Variants in MITF observed in about 807,000 individuals in gnomAD.
MITF encodes the protein melanocyte inducing transcription factor, also known as microphthalmia-associated transcription factor.
Under a neutral mutation model 60.5 loss-of-function variants are expected in MITF, and 17 were observed. The ratio of observed to expected loss-of-function variants is 0.28; its 90% CI spans 0.19 to 0.42. MITF has a LOEUF of 0.42. MITF is among the 10% of genes least tolerant of loss of function. The pLI is 1.00. For missense variants in MITF, 622 were observed against 683.5 expected (o/e 0.91, Z 1.00); for synonymous variants, 260 against 248.5 (o/e 1.05, Z -0.43).
intron 1 of MITF, among the ~76,000 whole-genome samples, chr3:69,747,417 C>T (rs984732404): frequency 3.9e-5 from 6 of 152,230 alleles, no homozygotes; most frequent in Non-Finnish European, 8.8e-5. Context: ...CACTACCACT[C>T]ACTGGCTCTG....
chr3:69,962,766 T>C (rs2066582085), intron 9 of MITF, among the ~76,000 whole-genome samples: 1 of 152,044 alleles, frequency 6.6e-6, no homozygotes, highest in Non-Finnish European at 1.5e-5. Context: ...AAGAGCTTGC[T>C]TGGAAGGCAT....
At chr3:69,881,945 A>G (rs910932877) in intron 2 of MITF, among the ~76,000 whole-genome samples, 13 of 152,188 alleles carry the variant, frequency 8.5e-5, no homozygotes, top group African/African-American at 2.9e-4. Context: ...TCACACTTGC[A>G]TGCACTAGAG....
Position 69,939,105 on chromosome 3 carries a change from A to T in MITF, c.590A>T (p.Tyr197Phe). The T allele has an allele frequency of 6.2e-7, 1 of 1,614,008 alleles. No individual in the cohort carries two copies. The highest frequency in any genetic ancestry group is 8.5e-7 in the Non-Finnish European group (1 of 1,179,980). ...TTGCTTGTGTTTTTGCAGGGATTTT[A>T]TAAGTTTGAAGAGCAAAACAGGGCA... is the stretch of plus-strand genomic sequence containing the variant. ...LNSNCEKEGFYKFEEQNRAES... is the reference protein window; with the variant it reads ...LNSNCEKEGFFKFEEQNRAES... Residue 197 changes from tyrosine (Y) to phenylalanine (F), a missense_variant, in exon 4 of 10, where the codon TAT becomes TTT. Coordinates refer to ENST00000352241, the MANE Select transcript of MITF (RefSeq NM_001354604.2).
chr3:69,827,378 A>G (rs962639441), intron 1 of MITF, among the ~76,000 whole-genome samples: 1 of 152,242 alleles, frequency 6.6e-6, no homozygotes, highest in African/African-American at 2.4e-5. Context: ...TCACAGATTG[A>G]CAGTAGCTCT....
chr3:69,853,060 A>G (rs891034303), intron 1 of MITF, among the ~76,000 whole-genome samples: 7 of 152,196 alleles, frequency 4.6e-5, no homozygotes, highest in Non-Finnish European at 8.8e-5. Flanking sequence ...CATTCATTGT[A>G]TAGTGATGAA....
At chr3:69,918,613 T>C (rs1475685858) in intron 2 of MITF, among the ~76,000 whole-genome samples, 1 of 152,202 alleles carries the variant, frequency 6.6e-6, no homozygotes, top group Non-Finnish European at 1.5e-5. Flanking sequence ...GATCTCTGGT[T>C]ATATGAAAGC....
In MITF at chr3:69,870,440, A is replaced by ATATAT. The variant is rs1435617160; in HGVS notation, c.105-8693_105-8692insATATT. Among the ~76,000 whole-genome samples the ATATAT allele has an allele frequency of 5.0e-3, 672 of 135,216 alleles. 2 individuals carry two copies. Among genetic ancestry groups the ATATAT allele is most frequent in the African/African-American group, 0.018 (637 of 36,168 alleles). The allele number at this position is 135,216 out of a possible 152,430, so 88.7% of individuals were successfully genotyped here. A position where few individuals can be genotyped will look rare whatever the true frequency, so the allele number is the denominator to read the frequency against. Reference sequence around the variant, plus strand: ...TATGTGTGTGTATATATATATATATATTTTTTTTTTTTTGAGACGGAATCT... The same window carrying ATATAT: ...TATGTGTGTGTATATATATATATATATATATTTTTTTTTTTTTTGAGACGGAATCT... On this transcript the variant is annotated intron_variant, in intron 1 of 9. Transcript: ENST00000352241.
intron 1 of MITF, among the ~76,000 whole-genome samples, chr3:69,815,975 G>A (rs1049419446): frequency 1.3e-5 from 2 of 152,036 alleles, no homozygotes; most frequent in African/African-American, 4.8e-5. Context: ...GGTCTTTCTG[G>A]GATCTCTACA....
At chr3:69,834,953 T>C (rs571226959) in intron 1 of MITF, among the ~76,000 whole-genome samples, 1 of 151,396 alleles carries the variant, frequency 6.6e-6, no homozygotes, top group African/African-American at 2.4e-5. Context: ...AGTACTTTTT[T>C]CATATCTGTT....
chr3:69,836,901 C>T lies in MITF; in HGVS notation c.105-42233C>T, dbSNP rs187428111. On this transcript the variant is annotated intron_variant, in intron 1 of 9. Coordinates refer to ENST00000352241, the MANE Select transcript of MITF (RefSeq NM_001354604.2). ...GCCAGAGAAACAAACCAGAGGCTGA[C>T]TGGCCAGGACTGATTCCCCCAGCGT... 4.8e-3 allele frequency among the ~76,000 whole-genome samples: 726 copies of T among 152,284 alleles called. 8 individuals carry two copies. The highest frequency in any genetic ancestry group is 8.4e-3 in the Non-Finnish European group (574 of 68,022).
At chr3:69,855,449 A>C (rs1449086785) in intron 1 of MITF, among the ~76,000 whole-genome samples, 2 of 152,138 alleles carry the variant, frequency 1.3e-5, no homozygotes, top group Non-Finnish European at 2.9e-5. Context: ...TAAGCTTAAG[A>C]GTTATAGAAA....
chr3:69,956,085 G>A lies in MITF; in HGVS notation c.956-370G>A, dbSNP rs745313541. On this transcript the variant is annotated intron_variant, in intron 7 of 9. Transcript: ENST00000352241. ...CCTGGCTCTTTGCAGAAAGTTTGCT[G>A]ACTTCTGCTCTAAGGGGTTAGGTTA... Among the ~76,000 whole-genome samples the A allele has an allele frequency of 1.6e-4, 25 of 152,194 alleles. 1 individual carries two copies. The highest frequency in any genetic ancestry group is 2.9e-4 in the Non-Finnish European group (20 of 68,038).
intron 2 of MITF, among the ~76,000 whole-genome samples, chr3:69,899,987 C>T (rs2064961370): frequency 6.6e-6 from 1 of 152,144 alleles, no homozygotes; most frequent in Non-Finnish European, 1.5e-5. Context: ...ACTTATGCAC[C>T]ATTCTGTCCT....
intron 1 of MITF, among the ~76,000 whole-genome samples, chr3:69,820,160 G>A (rs1355134922): frequency 5.9e-5 from 9 of 152,160 alleles, no homozygotes; most frequent in Admixed American, 2.0e-4. Context: ...ATATAGATTC[G>A]TTTTGAATTA....
intron 1 of MITF, among the ~76,000 whole-genome samples, chr3:69,751,086 A>G (rs527888716): frequency 6.6e-5 from 10 of 152,290 alleles, no homozygotes; most frequent in Non-Finnish European, 1.3e-4. Flanking sequence ...ATTTTAATCT[A>G]CACTCTAAAA....
At chr3:69,746,344 C>T (rs1463426098) in intron 1 of MITF, among the ~76,000 whole-genome samples, 2 of 151,978 alleles carry the variant, frequency 1.3e-5, no homozygotes, top group Non-Finnish European at 2.9e-5. Flanking sequence ...GGAATAGGAC[C>T]TCAGTGTAAA....
chr3:69,863,512 C>T (rs1174106640), intron 1 of MITF, among the ~76,000 whole-genome samples: 1 of 152,172 alleles, frequency 6.6e-6, no homozygotes, highest in Non-Finnish European at 1.5e-5. Context: ...TTTGGCACCA[C>T]ATTATGTCCC....
At chr3:69,846,742 G>A (rs1357651597) in intron 1 of MITF, among the ~76,000 whole-genome samples, 3 of 150,952 alleles carry the variant, frequency 2.0e-5, no homozygotes, top group Non-Finnish European at 2.9e-5. Context: ...ACTTGAACCC[G>A]GGAGGCAGAG....
intron 2 of MITF, among the ~76,000 whole-genome samples, chr3:69,920,446 A>G (rs1387519329): frequency 3.3e-5 from 5 of 151,732 alleles, no homozygotes; most frequent in Non-Finnish European, 4.4e-5. Context: ...CGGTGGTCAC[A>G]CTCCTAGTCC....
Sources: allele counts gnomAD v4.1 joint callset (sites outside exome capture counted in the v4.1 genomes callset), GRCh38; gene constraint gnomAD v4.1.1; transcripts MANE v1.5; gene names NCBI Gene and HGNC (gene_info 2026-07-23, HGNC 2026-07-21).